The following NRG3 variants were observed in gnomAD, a reference collection of about 807,000 sequenced individuals.
NRG3 encodes pro-neuregulin-3, membrane-bound isoform.
NRG3 carries 31 observed loss-of-function variants against 66.9 expected under a neutral mutation model. The ratio of observed to expected loss-of-function variants is 0.46; its 90% CI spans 0.35 to 0.63. NRG3 has a LOEUF of 0.63. NRG3 is among the 20% of genes least tolerant of loss of function. The pLI, the probability that NRG3 is intolerant of heterozygous loss-of-function variation, is 0.00. For synonymous variants in NRG3, 393 were observed against 359.4 expected (o/e 1.09, Z -1.06); for missense variants, 910 against 878.9 (o/e 1.04, Z -0.45).
intron 1 of NRG3, among the ~76,000 whole-genome samples, chr10:82,069,707 CAT>C (rs2064692492): frequency 6.6e-6 from 1 of 152,110 alleles, no homozygotes; most frequent in South Asian, 2.1e-4. Context: ...TTGTAGAAAA[CAT>C]ATAAAACCTA....
Position 82,078,586 on chromosome 10 carries a change from G to A in NRG3, c.823+202423G>A, listed in dbSNP as rs138720268. Reference sequence around the variant, plus strand: ...AGGATGGTCTCGATCTCATGACCTCGTGATCCGACCGCCTTGGCCTCCCAA... The same window carrying A: ...AGGATGGTCTCGATCTCATGACCTCATGATCCGACCGCCTTGGCCTCCCAA... On this transcript the variant is annotated intron_variant, in intron 1 of 8. Transcript: ENST00000372141. 3.5e-3 allele frequency among the ~76,000 whole-genome samples: 526 copies of A among 152,256 alleles called. 2 individuals are homozygous for A. The highest frequency in any genetic ancestry group is 4.7e-3 in the Non-Finnish European group (318 of 68,028).
At chr10:82,491,293 A>AATATATATATATATATATATAT (rs10652539) in intron 2 of NRG3, among the ~76,000 whole-genome samples, 3 of 82,186 alleles carry the variant, frequency 3.7e-5, no homozygotes, top group African/African-American at 7.0e-5. Context: ...GTTCCCATAA[A>AATATATATATATATATATATAT]ATATATATAT....
intron 2 of NRG3, among the ~76,000 whole-genome samples, chr10:82,613,735 G>A (rs2048457617): frequency 6.6e-6 from 1 of 151,110 alleles, no homozygotes; most frequent in Admixed American, 6.6e-5. Flanking sequence ...TGTGCATAAT[G>A]TGCAGGTTAG....
chr10:82,748,001 C>T lies in NRG3; in HGVS notation c.1027+9351C>T, dbSNP rs1045394058. 8.6e-5 allele frequency among the ~76,000 whole-genome samples: 13 copies of T among 151,170 alleles called. No homozygotes were observed. The Middle Eastern group carries it at 0.01, about 122-fold the overall frequency. On this transcript the variant is annotated intron_variant, in intron 3 of 8. Transcript: ENST00000372141. ...TTAAAAACACATTTAATTTTTCCAACAGAATTTATTCAATAGTCTGACATT... is the reference window on the plus strand; with the variant it reads ...TTAAAAACACATTTAATTTTTCCAATAGAATTTATTCAATAGTCTGACATT...
At chr10:82,348,319 A>G (rs1589803136) in intron 1 of NRG3, among the ~76,000 whole-genome samples, 1 of 148,034 alleles carries the variant, frequency 6.8e-6, no homozygotes, top group Non-Finnish European at 1.5e-5. Context: ...TTTCTCCTTC[A>G]CTTATGAAGC....
At chr10:82,647,842 G>A (rs972551047) in intron 2 of NRG3, among the ~76,000 whole-genome samples, 1 of 150,628 alleles carries the variant, frequency 6.6e-6, no homozygotes, top group African/African-American at 2.5e-5. Context: ...CCCACTTTTT[G>A]ATGGGGTTGT....
At chr10:82,917,531 G>T (rs574612057) in intron 4 of NRG3, among the ~76,000 whole-genome samples, 1 of 152,238 alleles carries the variant, frequency 6.6e-6, no homozygotes, top group Admixed American at 6.5e-5. Context: ...CTGTATAACT[G>T]GGCCCTCTAG....
chr10:82,922,981 T>G (rs10509461), intron 4 of NRG3, among the ~76,000 whole-genome samples: 16,781 of 152,194 alleles, frequency 0.11, 1,260 homozygotes, highest in Non-Finnish European at 0.17. Context: ...TAAACATCTC[T>G]CAGAGTATTC....
intron 1 of NRG3, among the ~76,000 whole-genome samples, chr10:82,227,528 A>G (rs1440276403): frequency 6.6e-6 from 1 of 152,088 alleles, no homozygotes; most frequent in African/African-American, 2.4e-5. Flanking sequence ...TCATCTCATG[A>G]CAAAGAAGAG....
At chr10:82,884,719 A>G (rs1017716186) in intron 4 of NRG3, among the ~76,000 whole-genome samples, 8 of 152,206 alleles carry the variant, frequency 5.3e-5, no homozygotes, top group African/African-American at 1.9e-4. Flanking sequence ...AATTTTACCT[A>G]GAGTTGTAGA....
chr10:82,543,106 G>T (rs1379511260), intron 2 of NRG3, among the ~76,000 whole-genome samples: 1 of 152,000 alleles, frequency 6.6e-6, no homozygotes, highest in East Asian at 1.9e-4. Context: ...TGGCCAGGCT[G>T]GTCTTGAACT....
At chr10:81,980,832 C>CCT (rs1177925030) in intron 1 of NRG3, among the ~76,000 whole-genome samples, 1 of 152,180 alleles carries the variant, frequency 6.6e-6, no homozygotes, top group African/African-American at 2.4e-5. Context: ...CTTGCTGTGT[C>CCT]CTCACATGAT....
intron 1 of NRG3, chr10:81,878,101 T>G (rs772589255): frequency 8.5e-6 from 13 of 1,526,858 alleles, no homozygotes; most frequent in Non-Finnish European, 1.1e-5. Context: ...CCAAGGTAAT[T>G]ATTTCTACCC....
At chr10:82,434,804 C>T (rs752058863) in intron 2 of NRG3, among the ~76,000 whole-genome samples, 2 of 152,072 alleles carry the variant, frequency 1.3e-5, no homozygotes, top group African/African-American at 2.4e-5. Flanking sequence ...CTGACTTGAT[C>T]GTGGTGGATA....
chr10:82,150,526 CACACAAAAA>C (rs1374951201), intron 1 of NRG3, among the ~76,000 whole-genome samples: 160 of 17,140 alleles, frequency 9.3e-3, no homozygotes, highest in Admixed American at 0.024. Context: ...AAAAAGAGCA[CACACAAAAA>C]AAAAAAAAAA....
At chr10:82,670,035 G>T (rs2053139185) in intron 2 of NRG3, among the ~76,000 whole-genome samples, 1 of 151,932 alleles carries the variant, frequency 6.6e-6, no homozygotes, top group Non-Finnish European at 1.5e-5. Flanking sequence ...GAATCATTTT[G>T]TTTAGACCAC....
chr10:82,337,615 T>C (rs961726564), intron 1 of NRG3, among the ~76,000 whole-genome samples: 4 of 152,330 alleles, frequency 2.6e-5, no homozygotes, highest in African/African-American at 7.2e-5. Context: ...GTATGACTAT[T>C]CCTATTTCTC....
At chr10:81,900,029 T>TCTC (rs1463696711) in intron 1 of NRG3, among the ~76,000 whole-genome samples, 1 of 151,800 alleles carries the variant, frequency 6.6e-6, no homozygotes, top group Admixed American at 6.6e-5. Context: ...CAGGCTAGAA[T>TCTC]CTCCGCCTCC....
chr10:82,552,757 T>A (rs980784180), intron 2 of NRG3, among the ~76,000 whole-genome samples: 3 of 152,304 alleles, frequency 2.0e-5, no homozygotes, highest in African/African-American at 7.2e-5. Flanking sequence ...ATGTGAGTTA[T>A]CAAATCTACA....
Sources: gnomAD v4.1 joint callset for allele counts (sites outside exome capture counted in the v4.1 genomes callset) on GRCh38, gnomAD v4.1.1 for gene constraint, MANE v1.5 for transcripts, NCBI Gene and HGNC (gene_info 2026-07-23, HGNC 2026-07-21) for gene names.